SGCZ: variants seen among roughly 807,000 people sequenced by gnomAD.
SGCZ encodes the protein sarcoglycan zeta, also known as zeta-sarcoglycan.
A neutral mutation model predicts 41.3 loss-of-function variants in SGCZ; 40 were observed. The observed-to-expected ratio is 0.97, with a 90% CI of 0.75 to 1.26. The LOEUF is 1.26. Ranked by LOEUF, SGCZ falls within the 50% of genes most tolerant of loss-of-function variation. SGCZ has a pLI of 0.00. For synonymous variants in SGCZ, 206 were observed against 137.5 expected (o/e 1.50, Z -3.49); for missense variants, 552 against 369.8 (o/e 1.49, Z -4.04).
At chr8:14,822,650 A>C (rs1006744684) in intron 1 of SGCZ, among the ~76,000 whole-genome samples, 6 of 152,184 alleles carry the variant, frequency 3.9e-5, no homozygotes, top group African/African-American at 1.4e-4. Flanking sequence ...AACAGAACAA[A>C]AGAGAGCCCA....
chr8:14,500,245 G>A (rs1947708), intron 2 of SGCZ, among the ~76,000 whole-genome samples: 22,415 of 151,940 alleles, frequency 0.15, 1,961 homozygotes, highest in Admixed American at 0.19. Flanking sequence ...CAGATGTAAT[G>A]TAGTTTGAGC....
At chr8:15,086,177 T>A (rs1173294719) in intron 1 of SGCZ, among the ~76,000 whole-genome samples, 1 of 152,186 alleles carries the variant, frequency 6.6e-6, no homozygotes, top group Non-Finnish European at 1.5e-5. Flanking sequence ...AAGCAAAATA[T>A]TAAAATTCTA....
Position 15,237,708 on chromosome 8 carries a change from G to C in SGCZ, c.-85C>G. The C allele has an allele frequency of 6.9e-7, 1 of 1,448,576 alleles. No individual in the cohort carries two copies. The highest frequency in any genetic ancestry group is 9.5e-7 in the Non-Finnish European group (1 of 1,054,814). 89.7% of individuals were successfully genotyped at this position (1,448,576 alleles called of 1,614,324 possible). On this transcript the variant is annotated 5_prime_UTR_variant, in exon 1 of 8. Transcript: ENST00000382080. Reference sequence around the variant, plus strand: ...TCTTTTAGTTTCCAGCTTAAACTCAGCTTTATCCTCCTCCAAGCCCCGGCA... The same window carrying C: ...TCTTTTAGTTTCCAGCTTAAACTCACCTTTATCCTCCTCCAAGCCCCGGCA...
At chr8:14,995,941 T>G (rs569269784) in intron 1 of SGCZ, among the ~76,000 whole-genome samples, 1 of 152,250 alleles carries the variant, frequency 6.6e-6, no homozygotes, top group African/African-American at 2.4e-5. Flanking sequence ...TCTTGCTCTG[T>G]TGTCCGGGGT....
At chr8:14,850,757 C>G (rs1803287174) in intron 1 of SGCZ, among the ~76,000 whole-genome samples, 1 of 152,056 alleles carries the variant, frequency 6.6e-6, no homozygotes, top group African/African-American at 2.4e-5. Context: ...GCGGCAGTTT[C>G]CCCACCGCTG....
Position 14,711,741 on chromosome 8 carries a change from T to A in SGCZ, c.40-156815A>T, listed in dbSNP as rs181391745. The stretch of plus-strand genomic sequence containing the variant: ...AGTCCTTTTTTGTGCTGACTTCATG[T>A]ACTAAATCAAAAACTGCACATAGTA... On this transcript the variant is annotated intron_variant, in intron 1 of 7. Coordinates refer to ENST00000382080, the MANE Select transcript of SGCZ (RefSeq NM_139167.4). 1.7e-3 allele frequency among the ~76,000 whole-genome samples: 255 copies of A among 152,306 alleles called. 3 individuals carry two copies. The highest frequency in any genetic ancestry group is 5.8e-3 in the African/African-American group (243 of 41,570).
chr8:15,092,803 C>T (rs1053019455), intron 1 of SGCZ, among the ~76,000 whole-genome samples: 29 of 152,264 alleles, frequency 1.9e-4, no homozygotes, highest in African/African-American at 7.0e-4. Context: ...AATTGAGATA[C>T]TCATCACATG....
chr8:14,140,305 G>A (rs1803329173), intron 5 of SGCZ, among the ~76,000 whole-genome samples: 1 of 152,146 alleles, frequency 6.6e-6, no homozygotes, highest in African/African-American at 2.4e-5. Context: ...ACATACTGTT[G>A]AAAGTTCTGG....
At chr8:14,190,158 GC>G in intron 4 of SGCZ, among the ~76,000 whole-genome samples, 1 of 151,246 alleles carries the variant, frequency 6.6e-6, no homozygotes, top group Middle Eastern at 3.4e-3. Flanking sequence ...GACTACAGGC[GC>G]CCGCCACCAC....
In SGCZ at chr8:14,932,296, G is replaced by A. The variant is rs763491645; in HGVS notation, c.39+305289C>T. Among the ~76,000 whole-genome samples the A allele has an allele frequency of 9.2e-5, 14 of 151,702 alleles. No individual in the cohort carries two copies. In the East Asian group the frequency reaches 1.2e-3, roughly 13 times the overall value. On this transcript the variant is annotated intron_variant, in intron 1 of 7. Coordinates refer to ENST00000382080, the MANE Select transcript of SGCZ (RefSeq NM_139167.4). ...AAAATCTTTTGTTATAAAACTTCTCGATTTCTTCATAAGTAGCTTCTGGCA... is the reference window on the plus strand; with the variant it reads ...AAAATCTTTTGTTATAAAACTTCTCAATTTCTTCATAAGTAGCTTCTGGCA...
intron 1 of SGCZ, among the ~76,000 whole-genome samples, chr8:14,710,006 A>C (rs1809461529): frequency 6.6e-6 from 1 of 152,176 alleles, no homozygotes; most frequent in African/African-American, 2.4e-5. Flanking sequence ...GTCACTCTAG[A>C]AGTCCATTAA....
chr8:14,961,852 G>C (rs144104126), intron 1 of SGCZ, among the ~76,000 whole-genome samples: 342 of 152,232 alleles, frequency 2.2e-3, no homozygotes, highest in African/African-American at 7.8e-3. Flanking sequence ...CTGCCTTCAA[G>C]GTATATGGCA....
intron 2 of SGCZ, among the ~76,000 whole-genome samples, chr8:14,486,369 A>G (rs1801675376): frequency 6.6e-6 from 1 of 152,200 alleles, no homozygotes; most frequent in Non-Finnish European, 1.5e-5. Context: ...CCCACTGGCC[A>G]TGGATCCCTC....
chr8:15,194,969 G>T (rs1014009577), intron 1 of SGCZ, among the ~76,000 whole-genome samples: 3 of 152,082 alleles, frequency 2.0e-5, no homozygotes, highest in Non-Finnish European at 2.9e-5. Context: ...TTTTAAAAAG[G>T]AAATGTTAAA....
chr8:14,557,944 C>T (rs370350803), intron 1 of SGCZ, among the ~76,000 whole-genome samples: 4 of 151,920 alleles, frequency 2.6e-5, no homozygotes, highest in South Asian at 2.1e-4. Context: ...AAAAGAATAG[C>T]GAAGCTCCAA....
Position 15,159,756 on chromosome 8 carries a change from C to G in SGCZ, c.39+77829G>C, listed in dbSNP as rs1214923598. On this transcript the variant is annotated intron_variant, in intron 1 of 7. Coordinates refer to ENST00000382080, the MANE Select transcript of SGCZ (RefSeq NM_139167.4). ...GCCCCCCCCACCCTCCCCCCCACCC[C>G]CGCCACACACACACAGATGGTGTCT... 4.6e-4 allele frequency among the ~76,000 whole-genome samples: 31 copies of G among 67,456 alleles called. 1 individual carries two copies. The highest frequency in any genetic ancestry group is 1.0e-3 in the African/African-American group (24 of 22,906). The allele number at this position is 67,456 out of a possible 152,430, so 44.3% of individuals were successfully genotyped here.
At chr8:14,808,706 T>C (rs941115842) in intron 1 of SGCZ, among the ~76,000 whole-genome samples, 9 of 151,984 alleles carry the variant, frequency 5.9e-5, no homozygotes, top group African/African-American at 2.2e-4. Flanking sequence ...GAAATACCAT[T>C]TGACCCAGCC....
At chr8:14,256,332 T>C (rs984804534) in intron 3 of SGCZ, among the ~76,000 whole-genome samples, 2 of 152,002 alleles carry the variant, frequency 1.3e-5, no homozygotes, top group Non-Finnish European at 2.9e-5. Context: ...TTCTTAATCA[T>C]GTCTCTTCCT....
chr8:14,183,527 G>A (rs1353242987), intron 4 of SGCZ, among the ~76,000 whole-genome samples: 1 of 152,094 alleles, frequency 6.6e-6, no homozygotes, highest in Non-Finnish European at 1.5e-5. Flanking sequence ...TTTACTCTGG[G>A]AATGTAAAGG....
Sources: allele counts gnomAD v4.1 joint callset (sites outside exome capture counted in the v4.1 genomes callset), GRCh38; gene constraint gnomAD v4.1.1; transcripts MANE v1.5; gene names NCBI Gene and HGNC (gene_info 2026-07-23, HGNC 2026-07-21).